Variants in STRBP observed in about 807,000 individuals in gnomAD.
The protein encoded by STRBP is spermatid perinuclear RNA-binding protein.
Under a neutral mutation model 80.1 loss-of-function variants are expected in STRBP, and 13 were observed. That is an observed-to-expected ratio of 0.16 (90% CI 0.11 to 0.26). The LOEUF is 0.26. Ranked by LOEUF, STRBP falls within the 10% of genes least tolerant of loss-of-function variation. STRBP has a pLI of 1.00. For synonymous variants in STRBP, 284 were observed against 291.2 expected (o/e 0.98, Z 0.25); for missense variants, 485 against 815.2 (o/e 0.59, Z 4.93).
At chr9:123,192,798 G>A (rs992173919) in intron 2 of STRBP, among the ~76,000 whole-genome samples, 5 of 152,244 alleles carry the variant, frequency 3.3e-5, no homozygotes, top group Admixed American at 1.3e-4. Context: ...CATCATTGAG[G>A]AAAATTTTAC....
intron 5 of STRBP, among the ~76,000 whole-genome samples, chr9:123,171,518 T>C (rs1471632769): frequency 6.6e-6 from 1 of 152,114 alleles, no homozygotes; most frequent in African/African-American, 2.4e-5. Context: ...AAAGGTTTAA[T>C]TGTAAAAGTC....
downstream of STRBP, among the ~76,000 whole-genome samples, chr9:123,119,778 T>G (rs2035701461): frequency 6.6e-6 from 1 of 152,190 alleles, no homozygotes; most frequent in Non-Finnish European, 1.5e-5. Context: ...AAACATATTA[T>G]GTGTATTAAC....
chr9:123,200,743 T>TTTTTTTTTTTTA (rs2039292954), intron 2 of STRBP, among the ~76,000 whole-genome samples: 1 of 100,098 alleles, frequency 1.0e-5, no homozygotes. Flanking sequence ...AATTTTTTTT[T>TTTTTTTTTTTTA]TTTTTTTTTT....
chr9:123,211,455 G>A (rs2039706069), intron 2 of STRBP, among the ~76,000 whole-genome samples: 1 of 152,130 alleles, frequency 6.6e-6, no homozygotes, highest in Admixed American at 6.5e-5. Context: ...GGGAAACCTG[G>A]AAGTCACATA....
Position 123,121,948 on chromosome 9 carries a change from TACACAC to T in STRBP, c.*3643_*3648del, listed in dbSNP as rs55960341. The T allele has an allele frequency of 0.065, 9,954 of 154,222 alleles. 335 individuals are homozygous for T. Among genetic ancestry groups the T allele is most frequent in the Middle Eastern group, 0.071 (21 of 296 alleles). 9.6% of individuals were successfully genotyped at this position (154,222 alleles called of 1,614,324 possible). On this transcript the variant is annotated 3_prime_UTR_variant, in exon 19 of 19. Transcript: ENST00000348403. ...ACATACGTGTTATATCCTAAGTTTC[TACACAC>T]ACACACACACACACACACACTTAGT...
At chr9:123,265,131 A>G (rs1272443184) in intron 1 of STRBP, among the ~76,000 whole-genome samples, 1 of 152,170 alleles carries the variant, frequency 6.6e-6, no homozygotes, top group Non-Finnish European at 1.5e-5. Flanking sequence ...ATGCCTTCAG[A>G]GCATTCTTTT....
intron 1 of STRBP, among the ~76,000 whole-genome samples, chr9:123,243,281 A>AAAAAAAAAAAAG (rs2040736236): frequency 6.6e-6 from 1 of 151,256 alleles, no homozygotes; most frequent in Non-Finnish European, 1.5e-5. Flanking sequence ...AAAAAAAAAA[A>AAAAAAAAAAAAG]AAAGAAAAAT....
intron 1 of STRBP, among the ~76,000 whole-genome samples, chr9:123,249,405 G>C (rs982919265): frequency 6.6e-6 from 1 of 151,450 alleles, no homozygotes; most frequent in Non-Finnish European, 1.5e-5. Flanking sequence ...GCTTTGGAAG[G>C]CTGAGGCAAG....
At chr9:123,162,222 GT>G (rs1327931731) in intron 6 of STRBP, among the ~76,000 whole-genome samples, 1 of 109,222 alleles carries the variant, frequency 9.2e-6, no homozygotes, top group Non-Finnish European at 2.3e-5. Flanking sequence ...TTATTCTGTG[GT>G]TTTTTTCTTT....
intron 2 of STRBP, among the ~76,000 whole-genome samples, chr9:123,222,532 A>G (rs1316918726): frequency 6.6e-6 from 1 of 152,218 alleles, no homozygotes; most frequent in Non-Finnish European, 1.5e-5. Context: ...CAAATTACTA[A>G]TATCAGAAAT....
At position 123,199,953 on chromosome 9, in the gene STRBP, G is replaced by A. The variant is rs554513919; in HGVS notation, c.-164-15655C>T. On this transcript the variant is annotated intron_variant, in intron 2 of 18. Transcript: ENST00000348403. ...GCATCCTTGTCTTGTTCCTGCTCTC[G>A]GGGAAATGCTTTCAACTTTTCCCCA... 5.3e-5 allele frequency among the ~76,000 whole-genome samples: 8 copies of A among 152,144 alleles called. No individual in the cohort carries two copies. The South Asian group carries it at 8.3e-4, about 16-fold the overall frequency.
intron 11 of STRBP, among the ~76,000 whole-genome samples, chr9:123,151,583 C>A (rs1322820820): frequency 6.6e-6 from 1 of 152,024 alleles, no homozygotes; most frequent in Admixed American, 6.6e-5. Flanking sequence ...CATCTAAATA[C>A]CCCATGGGTC....
At chr9:123,261,009 A>G (rs2041149903) in intron 1 of STRBP, among the ~76,000 whole-genome samples, 1 of 152,220 alleles carries the variant, frequency 6.6e-6, no homozygotes, top group Non-Finnish European at 1.5e-5. Flanking sequence ...AACTCTGTAA[A>G]TTAGGAGTAT....
At chr9:123,161,309 A>G (rs1444327311) in intron 6 of STRBP, among the ~76,000 whole-genome samples, 3 of 152,248 alleles carry the variant, frequency 2.0e-5, no homozygotes, top group African/African-American at 7.2e-5. Context: ...TGAAAAATTC[A>G]TTCAGTAAAC....
intron 5 of STRBP, among the ~76,000 whole-genome samples, chr9:123,172,335 T>C (rs558087198): frequency 3.9e-5 from 6 of 152,282 alleles, no homozygotes; most frequent in African/African-American, 1.4e-4. Context: ...AAAATAAAAA[T>C]TGAAACGGGA....
intron 2 of STRBP, among the ~76,000 whole-genome samples, chr9:123,234,200 CAA>C (rs59309974): frequency 0.012 from 900 of 72,278 alleles, 33 homozygotes; most frequent in Admixed American, 0.088. Context: ...GACGCCGTGT[CAA>C]AAAAAAAAAA....
At chr9:123,166,912 G>C (rs1360395024) in intron 6 of STRBP, among the ~76,000 whole-genome samples, 1 of 152,154 alleles carries the variant, frequency 6.6e-6, no homozygotes, top group Non-Finnish European at 1.5e-5. Flanking sequence ...TAAAGGGTTA[G>C]AATACAGAAA....
Position 123,161,013 on chromosome 9 carries a change from G to C in STRBP, c.591C>G (p.Asn197Lys), listed in dbSNP as rs759832049. 2.5e-6 allele frequency: 4 copies of C among 1,592,610 alleles called. No individual in the cohort carries two copies. The highest frequency in any genetic ancestry group is 2.3e-5 in the East Asian group (1 of 43,836). ...PDLLDRQKCL[N>K]ALASLRHAKW... ...TGGCATGTCGAAGAGACGCCAAGGC[G>C]TTCAGGCATTTCTGCCTGTCCAATA... The change falls in exon 7 of 19, where the codon AAC becomes AAG. Residue 197 changes from asparagine (N) to lysine (K), a missense_variant. Asn to Lys is a moderately conservative substitution (Grantham distance 94, BLOSUM62 0). Transcript: ENST00000348403.
At chr9:123,257,294 T>TACTACAC (rs1345536397) in intron 1 of STRBP, among the ~76,000 whole-genome samples, 1 of 152,156 alleles carries the variant, frequency 6.6e-6, no homozygotes, top group Non-Finnish European at 1.5e-5. Context: ...CCATGGCTGA[T>TACTACAC]ACTACACACT....
Sources: gnomAD v4.1 joint callset for allele counts (sites outside exome capture counted in the v4.1 genomes callset) on GRCh38, gnomAD v4.1.1 for gene constraint, MANE v1.5 for transcripts, NCBI Gene and HGNC (gene_info 2026-07-23, HGNC 2026-07-21) for gene names.